Variants in RCBTB1 observed in about 807,000 individuals in gnomAD.
RCBTB1 encodes the protein RCC1 and BTB domain containing protein 1, also known as RCC1 and BTB domain-containing protein 1.
Under a neutral mutation model 62.4 loss-of-function variants are expected in RCBTB1, and 46 were observed. That is an observed-to-expected ratio of 0.74 (90% confidence interval 0.58 to 0.94). The LOEUF (loss-of-function observed/expected upper bound fraction) is 0.94. Among genes scored for constraint, RCBTB1 ranks in the 40% least tolerant of loss-of-function variants. The pLI, the probability that RCBTB1 is intolerant of heterozygous loss-of-function variation, is 0.00. For synonymous variants in RCBTB1, 222 were observed against 245.8 expected, an observed-to-expected ratio of 0.90 and a Z score of 0.91; for missense variants, 565 against 654.9, an observed-to-expected ratio of 0.86 and a Z score of 1.50.
Position 49,537,558 on chromosome 13 carries a change from T to A in RCBTB1, c.1456-3296A>T, listed in dbSNP as rs150624787. 3.3e-3 allele frequency among the ~76,000 whole-genome samples: 496 copies of A among 152,358 alleles called. 1 individual carries two copies. The highest frequency in any genetic ancestry group is 6.8e-3 in the Middle Eastern group (2 of 294). On this transcript the variant is annotated intron_variant, in intron 12 of 12. Transcript: ENST00000378302. ...TCCCTCCAAAAGCAAGATCGTAAGA[T>A]ATAAGTTGCTTAGCACACAGGATTT... is the stretch of plus-strand genomic sequence containing the variant.
rs561330177 is a variant in RCBTB1 at position 49,565,240 on chromosome 13, C to T, written c.277+1378G>A. Among the ~76,000 whole-genome samples the T allele has an allele frequency of 1.6e-3, 241 of 152,330 alleles. 6 individuals are homozygous for T. The South Asian group carries it at 0.031, about 20-fold the overall frequency. Reference sequence around the variant, plus strand: ...CTGTGTTGGCCGGGTTGGTCTCCAGCTCCTAACCGCGAGTGATCTGCCAGC... The same window carrying T: ...CTGTGTTGGCCGGGTTGGTCTCCAGTTCCTAACCGCGAGTGATCTGCCAGC... On this transcript the variant is annotated intron_variant, in intron 4 of 12. Coordinates refer to ENST00000378302, the MANE Select transcript of RCBTB1 (RefSeq NM_018191.4).
chr13:49,546,867 C>CCACG, intron 9 of RCBTB1: 1 of 800,118 alleles, frequency 1.2e-6, no homozygotes, highest in South Asian at 5.7e-5. Flanking sequence ...TAATAACAGG[C>CCACG]CACGGACCAG....
intron 10 of RCBTB1, 104 bp downstream of exon 10, chr13:49,544,632 CA>C (rs1960656672): frequency 2.3e-6 from 2 of 880,180 alleles, no homozygotes; most frequent in Non-Finnish European, 3.4e-6. Context: ...TAAGTAGTGA[CA>C]TTTCTCTCTA....
intron 2 of RCBTB1, 98 bp from the exon 3 acceptor site, chr13:49,567,418 T>A: frequency 1.2e-6 from 1 of 845,964 alleles, no homozygotes; most frequent in East Asian, 2.6e-5. Flanking sequence ...AAGCTGATTC[T>A]AGAATAAATG....
At chr13:49,564,286 A>G (rs9596151) in intron 4 of RCBTB1, among the ~76,000 whole-genome samples, 37,123 of 152,022 alleles carry the variant, frequency 0.24, 5,852 homozygotes, top group African/African-American at 0.44. Context: ...GGTAGCATCT[A>G]TGTTTAGAAA....
intron 10 of RCBTB1, among the ~76,000 whole-genome samples, chr13:49,542,349 T>C (rs1251823661): frequency 6.6e-6 from 1 of 152,224 alleles, no homozygotes; most frequent in African/African-American, 2.4e-5. Context: ...ACACTCACTT[T>C]CATTTTTTGT....
intron 10 of RCBTB1, among the ~76,000 whole-genome samples, chr13:49,544,230 G>A (rs866136534): frequency 1.3e-5 from 2 of 152,190 alleles, no homozygotes; most frequent in Non-Finnish European, 2.9e-5. Context: ...AGCACTTTGG[G>A]AGGCTGAGGC....
At chr13:49,551,554 G>A in intron 7 of RCBTB1, 86 bp from the exon 8 acceptor site, 18 of 1,440,672 alleles carry the variant, frequency 1.2e-5, no homozygotes, top group Non-Finnish European at 1.7e-5. Context: ...GCCAGCTTCT[G>A]CAGAATGCCA....
At position 49,532,868 on chromosome 13, in the gene RCBTB1, T is replaced by A. The variant is rs907526021; in HGVS notation, c.*1254A>T. 1 of 152,044 alleles carries A rather than the reference T, an allele frequency of 6.6e-6. No homozygotes were observed. The highest frequency in any genetic ancestry group is 2.4e-5 in the African/African-American group (1 of 41,388). The allele number at this position is 152,044 out of a possible 1,614,324, so 9.4% of individuals were successfully genotyped here. On this transcript the variant is annotated 3_prime_UTR_variant, in exon 13 of 13. Coordinates refer to ENST00000378302, the MANE Select transcript of RCBTB1 (RefSeq NM_018191.4). ...ATGGACCAGAGAGCAAAGCAAAACA[T>A]TGCTCTTAAAAGCAAGCTCAACGGA... is the stretch of plus-strand genomic sequence containing the variant.
In RCBTB1 at chr13:49,555,686, G is replaced by A. The variant is rs1444373471; in HGVS notation, c.445-13C>T. ...CCCAAGCAAACACCTACAAGAGAAA[G>A]AAAAAGGAAAAGGAAAGAATAGTCA... On this transcript the variant is annotated splice_polypyrimidine_tract_variant and intron_variant, in intron 5 of 12. Transcript: ENST00000378302. 9.1e-6 allele frequency: 14 copies of A among 1,536,656 alleles called. No homozygotes were observed. The highest frequency in any genetic ancestry group is 4.4e-5 in the Admixed American group (2 of 45,324).
At chr13:49,545,336 C>T (rs972830489) in intron 9 of RCBTB1, among the ~76,000 whole-genome samples, 11 of 152,174 alleles carry the variant, frequency 7.2e-5, no homozygotes, top group Non-Finnish European at 1.3e-4. Context: ...TAATGCTAAG[C>T]GGTCATGTTC....
intron 12 of RCBTB1, among the ~76,000 whole-genome samples, chr13:49,538,888 CT>C (rs386379142): frequency 0.034 from 2,672 of 78,838 alleles, 74 homozygotes; most frequent in African/African-American, 0.077. Context: ...TTTTTTTTAA[CT>C]TTTTTTTTTT....
At chr13:49,539,089 C>CA (rs1960157615) in intron 12 of RCBTB1, among the ~76,000 whole-genome samples, 2 of 151,974 alleles carry the variant, frequency 1.3e-5, no homozygotes, top group Non-Finnish European at 2.9e-5. Context: ...AGGCTGGTCT[C>CA]AAACTCCTGA....
Position 49,567,221 on chromosome 13 carries a change from G to T in RCBTB1, c.59C>A (p.Ser20Tyr). 6.2e-7 allele frequency: 1 copy of T among 1,614,006 alleles called. No individual in the cohort carries two copies. Among genetic ancestry groups the T allele is most frequent in the Non-Finnish European group, 8.5e-7 (1 of 1,179,946 alleles). ...FTLLSPQEIA[S>Y]IRKACVFGTS... The stretch of plus-strand genomic sequence containing the variant: ...GCCGAAGACACACGCCTTCCGAATA[G>T]ACGCGATCTCTTGAGGGGAGAGTAG... The change falls in exon 3 of 13, where the codon TCT becomes TAT. Residue 20 changes from serine to tyrosine, a missense_variant. Coordinates refer to ENST00000378302, the MANE Select transcript of RCBTB1 (RefSeq NM_018191.4).
intron 1 of RCBTB1, among the ~76,000 whole-genome samples, chr13:49,581,787 T>C (rs988522080): frequency 6.6e-6 from 1 of 152,316 alleles, no homozygotes; most frequent in African/African-American, 2.4e-5. Flanking sequence ...TAGTGTCGAA[T>C]GCTGCTGAGA....
rs41284794 is a variant in RCBTB1 at position 49,549,492 on chromosome 13, G to A, written c.1011C>T (p.Ala337=). 33,967 of 1,613,030 alleles carry A rather than the reference G, an allele frequency of 0.021. 468 individuals carry two copies. The highest frequency in any genetic ancestry group is 0.024 in the Non-Finnish European group (27,822 of 1,179,322). ...SCTDDVFACF[A]TPAVSWRLLS... ...GGAGGCGCCACGAGACGGCGGGAGT[G>A]GCAAAGCAGGCAAACACGTCGTCGG... is the stretch of plus-strand genomic sequence containing the variant. The change falls in exon 9 of 13, where the codon GCC becomes GCT. Residue 337 remains alanine (A), a synonymous_variant. Transcript: ENST00000378302.
At chr13:49,543,136 C>T (rs1016726404) in intron 10 of RCBTB1, among the ~76,000 whole-genome samples, 1 of 151,898 alleles carries the variant, frequency 6.6e-6, no homozygotes, top group South Asian at 2.1e-4. Flanking sequence ...GGTTAGTGCA[C>T]GATTGTAATC....
At chr13:49,578,398 TAC>T (rs1164509994) in intron 2 of RCBTB1, among the ~76,000 whole-genome samples, 1 of 152,222 alleles carries the variant, frequency 6.6e-6, no homozygotes, top group Non-Finnish European at 1.5e-5. Context: ...AATCCATGGA[TAC>T]AGAGAGCTGA....
intron 9 of RCBTB1, among the ~76,000 whole-genome samples, chr13:49,545,452 A>G (rs1960714071): frequency 6.6e-6 from 1 of 152,176 alleles, no homozygotes; most frequent in South Asian, 2.1e-4. Context: ...CACAGAGCAA[A>G]TTCACTTAGA....
Sources: allele counts gnomAD v4.1 joint callset (sites outside exome capture counted in the v4.1 genomes callset), GRCh38; gene constraint gnomAD v4.1.1; transcripts MANE v1.5; gene names NCBI Gene and HGNC (gene_info 2026-07-23, HGNC 2026-07-21).